DDX60L: variants seen among roughly 807,000 people sequenced by gnomAD.
DDX60L encodes the protein probable ATP-dependent RNA helicase DDX60-like.
DDX60L carries 191 observed loss-of-function variants against 211.6 expected under a neutral mutation model. The observed-to-expected ratio is 0.90, with a 90% CI of 0.80 to 1.02. The LOEUF is 1.02. DDX60L is among the 50% of genes least tolerant of loss of function. DDX60L has a pLI of 0.00. For missense variants in DDX60L, 2,007 were observed against 1,984.1 expected (o/e 1.01, Z -0.22); for synonymous variants, 706 against 694.1 (o/e 1.02, Z -0.27).
rs376955320 is a variant in DDX60L at position 168,379,446 on chromosome 4, T to G, written c.4280A>C (p.His1427Pro). Residue 1427 changes from histidine (H) to proline (P), a missense_variant, in exon 32 of 38, where the codon CAT becomes CCT. Physicochemically the swap from His to Pro is moderately conservative, Grantham distance 77 (BLOSUM62 -2). Transcript: ENST00000682922. ...AACAAGATTTGAAGGTTCATGACCA[T>G]GCAAATATGATGCAAGTCCTGCAAA... ...KKFAGLASYLHGHEPSNLVFV... is the reference protein window; with the variant it reads ...KKFAGLASYLPGHEPSNLVFV... 9.4e-6 allele frequency: 15 copies of G among 1,601,192 alleles called. No individual in the cohort carries two copies. The South Asian group carries it at 1.6e-4, about 17-fold the overall frequency.
chr4:168,358,298 T>TA lies in DDX60L; in HGVS notation c.4992-23dup, dbSNP rs771660670. ...GTCACTGTATAAATGATAATAATAATAAAAAAATAATGAGCCCACATTTTT... is the reference window on the plus strand; with the variant it reads ...GTCACTGTATAAATGATAATAATAATAAAAAAAATAATGAGCCCACATTTTT... On this transcript the variant is annotated intron_variant, in intron 37 of 37. Transcript: ENST00000682922. The TA allele has an allele frequency of 3.3e-5, 48 of 1,436,956 alleles. No individual in the cohort carries two copies. In the African/African-American group the frequency reaches 4.2e-4, roughly 13 times the overall value. 89.0% of individuals were successfully genotyped at this position (1,436,956 alleles called of 1,614,324 possible).
chr4:168,438,408 T>C (rs980236854), intron 10 of DDX60L, among the ~76,000 whole-genome samples: 2 of 152,192 alleles, frequency 1.3e-5, no homozygotes, highest in Admixed American at 6.5e-5. Context: ...TGGGATTGTG[T>C]TTTCCCCAGG....
At position 168,453,355 on chromosome 4, in the gene DDX60L, G is replaced by A. The variant is rs1005671993; in HGVS notation, c.838-73C>T. ...AATGGCATTGAAATAGGCACTCCAC[G>A]AAGATCATATCTTCAAAGTTTTACA... On this transcript the variant is annotated intron_variant, in intron 7 of 37. Transcript: ENST00000682922. 38 of 1,453,560 alleles carry A rather than the reference G, an allele frequency of 2.6e-5. 1 individual carries two copies. Among genetic ancestry groups the A allele is most frequent in the Middle Eastern group, 1.8e-4 (1 of 5,534 alleles). The allele number at this position is 1,453,560 out of a possible 1,614,324, so 90.0% of individuals were successfully genotyped here.
At chr4:168,412,101 G>A (rs1200313574) in intron 22 of DDX60L, among the ~76,000 whole-genome samples, 4 of 151,958 alleles carry the variant, frequency 2.6e-5, no homozygotes, top group Non-Finnish European at 1.5e-5. Context: ...GTACGTGGCC[G>A]TGTGCCTGGG....
chr4:168,360,211 T>C (rs1256615674), intron 37 of DDX60L, among the ~76,000 whole-genome samples: 2 of 152,222 alleles, frequency 1.3e-5, no homozygotes, highest in African/African-American at 4.8e-5. Flanking sequence ...AGAGTGCCTC[T>C]AACACAGTAA....
intron 37 of DDX60L, among the ~76,000 whole-genome samples, chr4:168,358,795 G>A (rs910169300): frequency 6.6e-5 from 10 of 152,136 alleles, no homozygotes; most frequent in Non-Finnish European, 1.0e-4. Flanking sequence ...TGGGATTACA[G>A]GCGTGGGCCA....
Position 168,405,963 on chromosome 4 carries a change from C to A in DDX60L, c.3200G>T (p.Gly1067Val), listed in dbSNP as rs1203372872. The change falls in exon 24 of 38, where the codon GGC (glycine) becomes GTC (valine). Residue 1067 changes from glycine to valine, a missense_variant. Transcript: ENST00000682922. The stretch of plus-strand genomic sequence containing the variant: ...TGTGAAAATTACCTTCTTCACTTGG[C>A]CATTTTTAATCCAATTTGTCAATTC... ...KAELTNWIKNGQVKKVKRVLK... is the reference protein window; with the variant it reads ...KAELTNWIKNVQVKKVKRVLK... 3.2e-6 allele frequency: 5 copies of A among 1,572,436 alleles called. 1 individual carries two copies. Among genetic ancestry groups the A allele is most frequent in the East Asian group, 2.3e-5 (1 of 42,666 alleles).
At chr4:168,472,644 T>C in intron 2 of DDX60L, 52 bp downstream of exon 2, 1 of 1,605,674 alleles carries the variant, frequency 6.2e-7, no homozygotes, top group East Asian at 2.2e-5. Context: ...AATCTGAATA[T>C]CTTACAAGAT....
At chr4:168,448,907 A>C in intron 8 of DDX60L, 128 bp from the exon 9 acceptor site, 1 of 785,770 alleles carries the variant, frequency 1.3e-6, no homozygotes, top group Middle Eastern at 3.0e-4. Flanking sequence ...TACAATCACA[A>C]ATATTACAGA....
chr4:168,378,064 C>CT (rs570241556), intron 33 of DDX60L, among the ~76,000 whole-genome samples: 11 of 152,292 alleles, frequency 7.2e-5, no homozygotes, highest in African/African-American at 2.2e-4. Flanking sequence ...AGCAGTAGGG[C>CT]TGTCATTCTA....
chr4:168,452,992 A>C (rs2150061426), intron 8 of DDX60L, 132 bp downstream of exon 8: 4 of 948,596 alleles, frequency 4.2e-6, no homozygotes, highest in Middle Eastern at 3.5e-4. Flanking sequence ...CCAAAAATAA[A>C]AGTTGTTGAA....
At chr4:168,440,479 A>C (rs1393553327) in intron 10 of DDX60L, among the ~76,000 whole-genome samples, 1 of 151,664 alleles carries the variant, frequency 6.6e-6, no homozygotes, top group Non-Finnish European at 1.5e-5. Context: ...CTAAGTCCTT[A>C]ACAGAGCCAG....
chr4:168,471,708 C>T (rs1758802840), intron 4 of DDX60L, 39 bp downstream of exon 4: 1 of 1,512,356 alleles, frequency 6.6e-7, no homozygotes, highest in Non-Finnish European at 8.9e-7. Context: ...CAGTTATAGT[C>T]TTCAAAGGAC....
intron 14 of DDX60L, among the ~76,000 whole-genome samples, chr4:168,425,140 C>A (rs1360855212): frequency 6.6e-6 from 1 of 152,248 alleles, no homozygotes; most frequent in Non-Finnish European, 1.5e-5. Context: ...ACTGAACTGC[C>A]TATCTCTGGA....
chr4:168,441,332 A>C lies in DDX60L; in HGVS notation c.1294+5T>G, dbSNP rs537451223. On this transcript the variant is annotated splice_donor_5th_base_variant and intron_variant, in intron 10 of 37. Coordinates refer to ENST00000682922, the MANE Select transcript of DDX60L (RefSeq NM_001012967.3). ...TTGTTCCACTTTAATTTACCCATTT[A>C]GTACCTTGAATGACCGATTTCTCTT... is the stretch of plus-strand genomic sequence containing the variant. The C allele has an allele frequency of 6.3e-7, 1 of 1,598,478 alleles. No individual in the cohort carries two copies. The highest frequency in any genetic ancestry group is 8.5e-7 in the Non-Finnish European group (1 of 1,172,680).
chr4:168,391,703 G>T, intron 28 of DDX60L, 59 bp from the exon 29 acceptor site: 2 of 934,204 alleles, frequency 2.1e-6, no homozygotes, highest in South Asian at 1.9e-5. Flanking sequence ...AAGGACACAA[G>T]ATCTATTTTC....
intron 25 of DDX60L, 140 bp from the exon 26 acceptor site, chr4:168,401,118 A>C (rs1746721317): frequency 1.4e-6 from 1 of 738,994 alleles, no homozygotes; most frequent in Non-Finnish European, 2.1e-6. Context: ...AAACTGAAAG[A>C]CTGGTTTAAG....
In DDX60L at chr4:168,359,889, G is replaced by A. The variant is rs1418840454; in HGVS notation, c.4991+1260C>T. 3.9e-5 allele frequency among the ~76,000 whole-genome samples: 6 copies of A among 152,050 alleles called. No individual in the cohort carries two copies. In the East Asian group the frequency reaches 1.2e-3, roughly 29 times the overall value. ...TGGGGCCTATCCCCGAATACATCAG[G>A]ACCTTTAATATTTCTGCACATTTGG... On this transcript the variant is annotated intron_variant, in intron 37 of 37. Coordinates refer to ENST00000682922, the MANE Select transcript of DDX60L (RefSeq NM_001012967.3).
chr4:168,389,173 A>G (rs943960561), intron 29 of DDX60L, among the ~76,000 whole-genome samples: 2 of 152,170 alleles, frequency 1.3e-5, no homozygotes, highest in African/African-American at 4.8e-5. Flanking sequence ...GCTAACAAGT[A>G]TTCTCTTTAT....
Sources: gnomAD v4.1 joint callset for allele counts (sites outside exome capture counted in the v4.1 genomes callset) on GRCh38, gnomAD v4.1.1 for gene constraint, MANE v1.5 for transcripts, NCBI Gene and HGNC (gene_info 2026-07-23, HGNC 2026-07-21) for gene names.